The following ZNF845 variants were observed in gnomAD, a reference collection of about 807,000 sequenced individuals.
The protein encoded by ZNF845 is zinc finger protein 845.
ZNF845 carries 59 observed loss-of-function variants against 76.1 expected under a neutral mutation model. The ratio of observed to expected loss-of-function variants is 0.78; its 90% CI spans 0.63 to 0.96. ZNF845 has a LOEUF of 0.96. Among genes scored for constraint, ZNF845 ranks in the 40% least tolerant of loss-of-function variants. The probability of loss-of-function intolerance (pLI) is 0.00; values close to 1 mark genes in which losing one functional copy is unlikely to be tolerated. For synonymous variants in ZNF845, 361 were observed against 386.9 expected, an observed-to-expected ratio of 0.93 and a Z score of 0.78; for missense variants, 1,045 against 1,172.8, an observed-to-expected ratio of 0.89 and a Z score of 1.59.
At chr19:53,341,708 T>C (rs1280097923) in intron 2 of ZNF845, among the ~76,000 whole-genome samples, 1 of 152,148 alleles carries the variant, frequency 6.6e-6, no homozygotes, top group Non-Finnish European at 1.5e-5. Flanking sequence ...GTGCACAAAG[T>C]AGGTGGTAAA....
In ZNF845 at chr19:53,352,673, T is replaced by C. The variant is rs1599990215; in HGVS notation, c.1998T>C (p.Asn666=). The C allele has an allele frequency of 8.1e-6, 13 of 1,613,190 alleles. No homozygotes were observed. Among genetic ancestry groups the C allele is most frequent in the Non-Finnish European group, 1.1e-5 (13 of 1,179,750 alleles). Residue 666 remains asparagine, a synonymous_variant, in exon 4 of 4, where the codon AAT becomes AAC. Coordinates refer to ENST00000458035, the MANE Select transcript of ZNF845 (RefSeq NM_138374.3). ...IHTGEKPYRC[N]ECGKTFSRKS... is the part of the protein sequence containing the mutation. ...CTGGAGAGAAACCTTACAGGTGTAATGAATGTGGCAAGACCTTTAGTCGGA... is the reference window on the plus strand; with the variant it reads ...CTGGAGAGAAACCTTACAGGTGTAACGAATGTGGCAAGACCTTTAGTCGGA...
intron 3 of ZNF845, among the ~76,000 whole-genome samples, chr19:53,349,899 G>A (rs2085321851): frequency 6.6e-6 from 1 of 151,966 alleles, no homozygotes. Context: ...GCCAAGCATG[G>A]TGATGCATGC....
intron 2 of ZNF845, among the ~76,000 whole-genome samples, chr19:53,341,570 T>C (rs1325459514): frequency 6.7e-6 from 1 of 150,126 alleles, no homozygotes; most frequent in Non-Finnish European, 1.5e-5. Flanking sequence ...TGGATGGAGA[T>C]GGGATGAGGG....
Position 53,353,324 on chromosome 19 carries a change from A to G in ZNF845, c.2649A>G (p.Gly883=). 2.5e-6 allele frequency: 4 copies of G among 1,613,806 alleles called. No individual in the cohort carries two copies. Among genetic ancestry groups the G allele is most frequent in the Non-Finnish European group, 3.4e-6 (4 of 1,179,810 alleles). The change falls in exon 4 of 4, where the codon GGA becomes GGG. Residue 883 remains glycine (G), a synonymous_variant. Coordinates refer to ENST00000458035, the MANE Select transcript of ZNF845 (RefSeq NM_138374.3). Reference sequence around the variant, plus strand: ...CACGTCATCATAGACTTCATACTGGAGAGAAACCTTACAAGTGTAATAAAT... The same window carrying G: ...CACGTCATCATAGACTTCATACTGGGGAGAAACCTTACAAGTGTAATAAAT... The part of the protein sequence containing the change: ...NLSRHHRLHT[G]EKPYKCNKCG...
Position 53,335,545 on chromosome 19 carries a change from T to G in ZNF845, c.-74+1753T>G, listed in dbSNP as rs139144580. On this transcript the variant is annotated intron_variant, in intron 1 of 3. Transcript: ENST00000458035. ...CAAATTACTGGGATTACAGGTGGAA[T>G]TACAGAGAGGAGCCACCGTGCCTGG... is the stretch of plus-strand genomic sequence containing the variant. Among the ~76,000 whole-genome samples, 31 of 152,124 alleles carry G rather than the reference T, an allele frequency of 2.0e-4. No homozygotes were observed. In the East Asian group the frequency reaches 6.0e-3, roughly 30 times the overall value.
chr19:53,339,264 A>G (rs1599969631), intron 1 of ZNF845, among the ~76,000 whole-genome samples: 1 of 152,176 alleles, frequency 6.6e-6, no homozygotes, highest in South Asian at 2.1e-4. Context: ...TCCTCACAGG[A>G]TGCTCCTGTG....
At chr19:53,345,728 GGT>G (rs2085290701) in intron 3 of ZNF845, 96 bp downstream of exon 3, 1 of 1,575,446 alleles carries the variant, frequency 6.3e-7, no homozygotes, top group Non-Finnish European at 8.6e-7. Flanking sequence ...TGTCACCCAG[GGT>G]GGAGTGAAAT....
rs1000033558 is a variant in ZNF845 at position 53,353,557 on chromosome 19, A to G, written c.2882A>G (p.His961Arg). The G allele has an allele frequency of 3.7e-6, 6 of 1,606,328 alleles. No individual in the cohort carries two copies. The highest frequency in any genetic ancestry group is 5.1e-6 in the Non-Finnish European group (6 of 1,175,982). Reference protein sequence around the residue: ...VFNRKAKLARHHRIHTGKKH With the variant: ...VFNRKAKLARRHRIHTGKKH Reference sequence around the variant, plus strand: ...AATCGAAAAGCAAAACTTGCACGTCATCATAGAATTCATACTGGAAAGAAA... The same window carrying G: ...AATCGAAAAGCAAAACTTGCACGTCGTCATAGAATTCATACTGGAAAGAAA... Residue 961 changes from histidine (H) to arginine (R), a missense_variant, in exon 4 of 4, where the codon CAT becomes CGT. By Grantham distance (29) the His-to-Arg change is conservative. Coordinates refer to ENST00000458035, the MANE Select transcript of ZNF845 (RefSeq NM_138374.3).
rs1486087343 is a variant in ZNF845, at chr19:53,353,488, C to T, written c.2813C>T (p.Thr938Ile). 6.2e-7 allele frequency: 1 copy of T among 1,613,374 alleles called. No homozygotes were observed. Among genetic ancestry groups the T allele is most frequent in the African/African-American group, 1.3e-5 (1 of 74,778 alleles). The change falls in exon 4 of 4, where the codon ACT becomes ATT. Residue 938 changes from threonine (T) to isoleucine (I), a missense_variant. Coordinates refer to ENST00000458035, the MANE Select transcript of ZNF845 (RefSeq NM_138374.3). The stretch of plus-strand genomic sequence containing the variant: ...CTTGTAATTCATAAGACAATTCATA[C>T]TGGAGAGAAACCTTACAAGTGTAAT... ...SVLVIHKTIHTGEKPYKCNEC... is the reference protein window; with the variant it reads ...SVLVIHKTIHIGEKPYKCNEC...
In ZNF845 at chr19:53,338,360, C is replaced by T. The variant is rs576627292; in HGVS notation, c.-73-2875C>T. Among the ~76,000 whole-genome samples, 6 of 152,240 alleles carry T rather than the reference C, an allele frequency of 3.9e-5. No homozygotes were observed. The East Asian group carries it at 1.2e-3, about 29-fold the overall frequency. On this transcript the variant is annotated intron_variant, in intron 1 of 3. Transcript: ENST00000458035. Reference sequence around the variant, plus strand: ...TGTGTCACTGCCTCACTCCAGCTCCCGGGTCTCCGTGCTCTGTACATCACC... The same window carrying T: ...TGTGTCACTGCCTCACTCCAGCTCCTGGGTCTCCGTGCTCTGTACATCACC...
rs878970653 is a variant in ZNF845, at chr19:53,353,191, C to T, written c.2516C>T (p.Thr839Ile). The change falls in exon 4 of 4, where the codon ACC becomes ATC. Residue 839 changes from threonine to isoleucine, a missense_variant. By Grantham distance (89) the Thr-to-Ile change is moderately conservative. Transcript: ENST00000458035. ...KPYKCNECGK[T>I]FRHNSALEIH... ...TACAAGTGTAATGAGTGTGGCAAGA[C>T]CTTCCGTCACAATTCAGCCCTTGAA... is the stretch of plus-strand genomic sequence containing the variant. The T allele has an allele frequency of 6.2e-7, 1 of 1,612,306 alleles. No homozygotes were observed. Among genetic ancestry groups the T allele is most frequent in the Non-Finnish European group, 8.5e-7 (1 of 1,179,076 alleles).
chr19:53,336,633 C>CTTTCTTTTT (rs1181749089), intron 1 of ZNF845, among the ~76,000 whole-genome samples: 9 of 92,428 alleles, frequency 9.7e-5, no homozygotes, highest in Admixed American at 3.5e-4. Context: ...TTCTTTCTTT[C>CTTTCTTTTT]TTTTTTTTTT....
chr19:53,341,055 C>G, intron 1 of ZNF845, 180 bp from the exon 2 acceptor site: 1 of 632,182 alleles, frequency 1.6e-6, no homozygotes. Flanking sequence ...ATTGGCTGCT[C>G]TGCATGCTTC....
chr19:53,340,136 C>T (rs1002876853), intron 1 of ZNF845, among the ~76,000 whole-genome samples: 4 of 152,338 alleles, frequency 2.6e-5, no homozygotes, highest in Non-Finnish European at 4.4e-5. Flanking sequence ...ACTGCAACCT[C>T]TGCCTCTGGA....
chr19:53,335,445 T>G (rs1439569024), intron 1 of ZNF845, among the ~76,000 whole-genome samples: 1 of 151,828 alleles, frequency 6.6e-6, no homozygotes, highest in Admixed American at 6.6e-5. Flanking sequence ...ATTTTTTTTT[T>G]GTAGAAATGG....
chr19:53,346,325 C>G (rs1280896441), intron 3 of ZNF845: 1 of 411,074 alleles, frequency 2.4e-6, no homozygotes, highest in Non-Finnish European at 4.9e-6. Flanking sequence ...GAGTCTCACT[C>G]TGTCGCCAAG....
At chr19:53,338,605 C>T (rs28707622) in intron 1 of ZNF845, among the ~76,000 whole-genome samples, 3 of 104,878 alleles carry the variant, frequency 2.9e-5, no homozygotes, top group East Asian at 2.0e-4. Context: ...CAAACAGCAC[C>T]GTGAACTGCA....
At chr19:53,336,520 A>C (rs928933742) in intron 1 of ZNF845, among the ~76,000 whole-genome samples, 1 of 151,946 alleles carries the variant, frequency 6.6e-6, no homozygotes, top group Non-Finnish European at 1.5e-5. Flanking sequence ...AAAAAAACAA[A>C]CACCACCACC....
In ZNF845 at chr19:53,350,328, G is replaced by A. The variant is rs372669569; in HGVS notation, c.143-490G>A. ...TTTGTAATGTTTTCTTATCTTCTCAGTGCTATGATTGTTTGACAATACAGA... is the reference window on the plus strand; with the variant it reads ...TTTGTAATGTTTTCTTATCTTCTCAATGCTATGATTGTTTGACAATACAGA... On this transcript the variant is annotated intron_variant, in intron 3 of 3. Coordinates refer to ENST00000458035, the MANE Select transcript of ZNF845 (RefSeq NM_138374.3). Among the ~76,000 whole-genome samples the A allele has an allele frequency of 5.8e-4, 88 of 152,210 alleles. No homozygotes were observed. The South Asian group carries it at 0.017, about 30-fold the overall frequency.
Sources: allele counts gnomAD v4.1 joint callset (sites outside exome capture counted in the v4.1 genomes callset), GRCh38; gene constraint gnomAD v4.1.1; transcripts MANE v1.5; gene names NCBI Gene and HGNC (gene_info 2026-07-23, HGNC 2026-07-21).